The following AJAP1 variants were observed in gnomAD, a reference collection of about 807,000 sequenced individuals.
AJAP1 encodes the protein adherens junctions associated protein 1.
In AJAP1, 5 loss-of-function variants were observed where a neutral mutation model predicts 35.0. That is an observed-to-expected ratio of 0.14 (90% CI 0.07 to 0.30). The LOEUF (loss-of-function observed/expected upper bound fraction) is 0.30. AJAP1 is among the 10% of genes least tolerant of loss of function. The pLI, the probability that AJAP1 is intolerant of heterozygous loss-of-function variation, is 1.00. For synonymous variants in AJAP1, 284 were observed against 249.3 expected (o/e 1.14, Z -1.31); for missense variants, 586 against 571.0 (o/e 1.03, Z -0.27).
At chr1:4,752,932 C>G (rs1267284072) in intron 2 of AJAP1, among the ~76,000 whole-genome samples, 1 of 152,212 alleles carries the variant, frequency 6.6e-6, no homozygotes, top group Non-Finnish European at 1.5e-5. Context: ...ATGTTCTCTT[C>G]AAACTTCCCG....
At chr1:4,754,526 C>T (rs1337388597) in intron 2 of AJAP1, among the ~76,000 whole-genome samples, 1 of 152,206 alleles carries the variant, frequency 6.6e-6, no homozygotes, top group African/African-American at 2.4e-5. Flanking sequence ...CCATTCCAAG[C>T]TTCCCAGACC....
At position 4,656,813 on chromosome 1, in the gene AJAP1, C is replaced by G. The variant is rs1023963494; in HGVS notation, c.29+1359C>G. On this transcript the variant is annotated intron_variant, in intron 1 of 5. Transcript: ENST00000378191. The surrounding 1 kb of genome is among the most constrained non-coding windows in gnomAD (Gnocchi z 5.7). ...ATTGTGTTGGGTGTGGGATATTGGT[C>G]GGGCGTGAATCGATAAGTGTGCTTG... 1.3e-5 allele frequency among the ~76,000 whole-genome samples: 2 copies of G among 152,066 alleles called. No individual in the cohort carries two copies. The highest frequency in any genetic ancestry group is 4.8e-5 in the African/African-American group (2 of 41,388).
At chr1:4,675,658 C>T (rs1639346723) in intron 1 of AJAP1, among the ~76,000 whole-genome samples, 1 of 152,204 alleles carries the variant, frequency 6.6e-6, no homozygotes, top group South Asian at 2.1e-4. Context: ...CACAGAAATT[C>T]TTATCAGGCA....
At chr1:4,727,444 A>G (rs1213009496) in intron 2 of AJAP1, among the ~76,000 whole-genome samples, 3 of 152,230 alleles carry the variant, frequency 2.0e-5, no homozygotes, top group Admixed American at 2.0e-4. Flanking sequence ...CACGTGGACC[A>G]GGGCCTCTCC....
Position 4,711,949 on chromosome 1 carries a change from A to G in AJAP1, c.79A>G (p.Ile27Val). The change falls in exon 2 of 6, where the codon ATA becomes GTA. Residue 27 changes from isoleucine (I) to valine (V), a missense_variant. Coordinates refer to ENST00000378191, the MANE Select transcript of AJAP1 (RefSeq NM_018836.4). Reference protein sequence around the residue: ...PGRPLGSHAWILIAMFQLAVD... With the variant: ...PGRPLGSHAWVLIAMFQLAVD... Reference sequence around the variant, plus strand: ...CCGCCCCCTCGGAAGCCATGCCTGGATACTGATAGCCATGTTTCAGCTCGC... The same window carrying G: ...CCGCCCCCTCGGAAGCCATGCCTGGGTACTGATAGCCATGTTTCAGCTCGC... 6.4e-7 allele frequency: 1 copy of G among 1,567,422 alleles called. No individual in the cohort carries two copies. Among genetic ancestry groups the G allele is most frequent in the Non-Finnish European group, 8.6e-7 (1 of 1,163,046 alleles).
intron 1 of AJAP1, among the ~76,000 whole-genome samples, chr1:4,662,240 G>A (rs1402266612): frequency 2.6e-5 from 4 of 152,124 alleles, no homozygotes; most frequent in Non-Finnish European, 5.9e-5. Flanking sequence ...GCTGTTTGTA[G>A]CAATCCCCGT....
At chr1:4,687,236 C>T (rs1337381081) in intron 1 of AJAP1, among the ~76,000 whole-genome samples, 3 of 152,198 alleles carry the variant, frequency 2.0e-5, no homozygotes, top group East Asian at 1.9e-4. Flanking sequence ...TCGAAAGCCA[C>T]CATGGGCACT....
chr1:4,739,644 A>T (rs1641011167), intron 2 of AJAP1, among the ~76,000 whole-genome samples: 1 of 152,054 alleles, frequency 6.6e-6, no homozygotes, highest in Non-Finnish European at 1.5e-5. Flanking sequence ...CACAGAAATG[A>T]CCCTTGGAGC....
intron 2 of AJAP1, among the ~76,000 whole-genome samples, chr1:4,750,880 A>G (rs1420628195): frequency 6.8e-6 from 1 of 147,144 alleles, no homozygotes; most frequent in Admixed American, 6.8e-5. Context: ...GTGGCATACT[A>G]GATGGAACTG....
chr1:4,679,490 C>A (rs1639428846), intron 1 of AJAP1, among the ~76,000 whole-genome samples: 1 of 152,120 alleles, frequency 6.6e-6, no homozygotes, highest in Non-Finnish European at 1.5e-5. Context: ...ATTAATGTGG[C>A]CACCATAAAG....
At chr1:4,726,219 G>T (rs535858829) in intron 2 of AJAP1, among the ~76,000 whole-genome samples, 1 of 152,302 alleles carries the variant, frequency 6.6e-6, no homozygotes, top group African/African-American at 2.4e-5. Flanking sequence ...AGAGAGAGCT[G>T]GGCACAGGGG....
At chr1:4,676,137 A>G (rs1205922944) in intron 1 of AJAP1, among the ~76,000 whole-genome samples, 1 of 152,136 alleles carries the variant, frequency 6.6e-6, no homozygotes, top group African/African-American at 2.4e-5. Flanking sequence ...CGGCGAGTTC[A>G]TGATGCCCAC....
chr1:4,778,613 CTT>C (rs1641985712), intron 5 of AJAP1, among the ~76,000 whole-genome samples: 4 of 143,920 alleles, frequency 2.8e-5, no homozygotes, highest in South Asian at 2.2e-4. Context: ...CTCTCTCTCT[CTT>C]CTCTCTGTCT....
At position 4,740,612 on chromosome 1, in the gene AJAP1, C is replaced by T. The variant is rs1641042571; in HGVS notation, c.829+27913C>T. Among the ~76,000 whole-genome samples the T allele has an allele frequency of 2.0e-5, 3 of 151,456 alleles. No homozygotes were observed. The South Asian group carries it at 6.3e-4, about 32-fold the overall frequency. On this transcript the variant is annotated intron_variant, in intron 2 of 5. Coordinates refer to ENST00000378191, the MANE Select transcript of AJAP1 (RefSeq NM_018836.4). Reference sequence around the variant, plus strand: ...CATCCTGGCTAACATGGTGAAACCCCGTCTCTACTAAAAAATACAAAAAAT... The same window carrying T: ...CATCCTGGCTAACATGGTGAAACCCTGTCTCTACTAAAAAATACAAAAAAT...
intron 1 of AJAP1, among the ~76,000 whole-genome samples, chr1:4,657,437 A>AC (rs1638906015): frequency 6.6e-6 from 1 of 151,944 alleles, no homozygotes; most frequent in African/African-American, 2.4e-5. Flanking sequence ...GGAGGCCTGT[A>AC]CCCAGAGGGT....
intron 1 of AJAP1, among the ~76,000 whole-genome samples, chr1:4,676,097 G>C (rs768996645): frequency 5.3e-5 from 8 of 152,160 alleles, no homozygotes; most frequent in Non-Finnish European, 8.8e-5. Flanking sequence ...CCTGGTTCCT[G>C]GATGCTCCGT....
chr1:4,731,690 G>A (rs1194370427), intron 2 of AJAP1, among the ~76,000 whole-genome samples: 1 of 152,206 alleles, frequency 6.6e-6, no homozygotes, highest in Non-Finnish European at 1.5e-5. Flanking sequence ...TCCAAAGCAG[G>A]CTGGTCCAGA....
chr1:4,730,749 A>G (rs1640779157), intron 2 of AJAP1, among the ~76,000 whole-genome samples: 1 of 152,068 alleles, frequency 6.6e-6, no homozygotes, highest in South Asian at 2.1e-4. Flanking sequence ...CTGGGCCAGC[A>G]TTTCTTGAGC....
chr1:4,743,627 A>G (rs370995734), intron 2 of AJAP1, among the ~76,000 whole-genome samples: 1 of 152,134 alleles, frequency 6.6e-6, no homozygotes, highest in Non-Finnish European at 1.5e-5. Context: ...CTTGCAATCA[A>G]TTGGCCAGAA....
Sources: allele counts gnomAD v4.1 joint callset (sites outside exome capture counted in the v4.1 genomes callset), GRCh38; gene constraint gnomAD v4.1.1; non-coding constraint Gnocchi (gnomAD v3.1); transcripts MANE v1.5; gene names NCBI Gene and HGNC (gene_info 2026-07-23, HGNC 2026-07-21).